The following FUNDC2 variants were observed in gnomAD, a reference collection of about 807,000 sequenced individuals.
FUNDC2 encodes FUN14 domain-containing protein 2.
FUNDC2 carries 4 observed loss-of-function variants against 15.6 expected under a neutral mutation model. That is an observed-to-expected ratio of 0.26 (90% CI 0.13 to 0.59). FUNDC2 has a LOEUF of 0.59. Ranked by LOEUF, FUNDC2 falls within the 20% of genes least tolerant of loss-of-function variation. FUNDC2 has a pLI of 0.90. For synonymous variants in FUNDC2, 44 were observed against 56.9 expected (o/e 0.77, Z 1.02); for missense variants, 98 against 149.7 (o/e 0.65, Z 1.80).
chrX:155,034,526 T>C (rs1557289000), intron 2 of FUNDC2, among the ~76,000 whole-genome samples: 5 of 111,767 alleles, frequency 4.5e-5, no homozygotes, highest in African/African-American at 1.6e-4. Flanking sequence ...CTGTAGGGTC[T>C]GTACCTAGAA....
At chrX:155,053,554 C>T (rs1424187642) in intron 4 of FUNDC2, among the ~76,000 whole-genome samples, 1 of 111,452 alleles carries the variant, frequency 9.0e-6, no homozygotes, top group African/African-American at 3.3e-5. Context: ...GACAAAAGTG[C>T]TTCATTTAAG....
intron 2 of FUNDC2, among the ~76,000 whole-genome samples, chrX:155,042,297 G>A (rs952208790): frequency 6.2e-5 from 6 of 96,931 alleles, no homozygotes; most frequent in Non-Finnish European, 8.0e-5. Context: ...GGTGATTCTC[G>A]TGCCTCAGCC....
chrX:155,051,537 A>G, intron 3 of FUNDC2, 133 bp from the exon 4 acceptor site: 1 of 640,312 alleles, frequency 1.6e-6, no homozygotes, highest in East Asian at 3.6e-5. Flanking sequence ...CATGATACAA[A>G]GAATCAAATG....
chrX:155,049,754 T>C (rs1270634092), intron 3 of FUNDC2: 6 of 112,593 alleles, frequency 5.3e-5, no homozygotes, highest in Admixed American at 9.4e-5. Context: ...AGGTTGTCTT[T>C]GAGTTCTTTC....
intron 2 of FUNDC2, among the ~76,000 whole-genome samples, chrX:155,035,307 G>A (rs1319109751): frequency 8.9e-6 from 1 of 111,790 alleles, no homozygotes; most frequent in Non-Finnish European, 1.9e-5. Flanking sequence ...CTTTATGTGA[G>A]TGTGTGTGCG....
At chrX:155,037,667 A>C (rs1557289258) in intron 2 of FUNDC2, among the ~76,000 whole-genome samples, 1 of 109,130 alleles carries the variant, frequency 9.2e-6, no homozygotes, top group African/African-American at 3.3e-5. Flanking sequence ...TATTTTTAGT[A>C]GAGTCAGGGT....
chrX:155,046,976 G>A lies in FUNDC2; in HGVS notation c.360+392G>A, dbSNP rs377738601. The A allele has an allele frequency of 1.5e-3, 307 of 202,987 alleles. 2 individuals are homozygous for A. The highest frequency in any genetic ancestry group is 3.1e-3 in the South Asian group (38 of 12,415). 16.7% of individuals were successfully genotyped at this position (202,987 alleles called of 1,213,427 possible). A position where few individuals can be genotyped will look rare whatever the true frequency, so the allele number is the denominator to read the frequency against. On this transcript the variant is annotated intron_variant, in intron 3 of 4. Coordinates refer to ENST00000369498, the MANE Select transcript of FUNDC2 (RefSeq NM_023934.4). ...GATGTTGAGCATGTGATGAGAAATG[G>A]GAGCTAAGTGACAGTACAGTCAGAT...
Position 155,054,880 on chromosome X carries a change from C to T in FUNDC2, c.*208C>T. The stretch of plus-strand genomic sequence containing the variant: ...GCAGAAGAGACAATAGTCCTTAGCT[C>T]TCCTCCCAGTACACCCCCTACTTGG... On this transcript the variant is annotated 3_prime_UTR_variant, in exon 5 of 5. Coordinates refer to ENST00000369498, the MANE Select transcript of FUNDC2 (RefSeq NM_023934.4). The T allele has an allele frequency of 4.8e-6, 2 of 417,656 alleles. No individual in the cohort carries two copies. The highest frequency in any genetic ancestry group is 2.5e-5 in the African/African-American group (1 of 40,695). The allele number at this position is 417,656 out of a possible 1,213,427, so 34.4% of individuals were successfully genotyped here.
Position 155,056,485 on chromosome X carries a change from G to C in FUNDC2, c.*1813G>C, listed in dbSNP as rs1462498763. 9.2e-6 allele frequency: 1 copy of C among 108,251 alleles called. No homozygotes were observed. Among genetic ancestry groups the C allele is most frequent in the African/African-American group, 3.4e-5 (1 of 29,503 alleles). The allele number at this position is 108,251 out of a possible 1,213,427, so 8.9% of individuals were successfully genotyped here. On this transcript the variant is annotated 3_prime_UTR_variant, in exon 5 of 5. Coordinates refer to ENST00000369498, the MANE Select transcript of FUNDC2 (RefSeq NM_023934.4). ...TGCAAGGTTCACATCGTATTTGCAT[G>C]ATTTGGATAAGTCTCTTAACCTTAT...
intron 2 of FUNDC2, among the ~76,000 whole-genome samples, chrX:155,038,482 G>T (rs1336246350): frequency 1.8e-5 from 2 of 111,196 alleles, no homozygotes; most frequent in African/African-American, 6.6e-5. Flanking sequence ...CTCCTAACTG[G>T]AATTTTTGTG....
At chrX:155,027,892 C>T (rs2073800020) in intron 1 of FUNDC2, among the ~76,000 whole-genome samples, 1 of 111,763 alleles carries the variant, frequency 8.9e-6, no homozygotes, top group Non-Finnish European at 1.9e-5. Flanking sequence ...GTCATGCTCA[C>T]GATGAATGAA....
rs782659099 is a variant in FUNDC2, at chrX:155,059,627, GAGTTAAATTA to G, written c.*4957_*4966del. The G allele has an allele frequency of 1.6e-4, 18 of 111,588 alleles. No individual in the cohort carries two copies. The highest frequency in any genetic ancestry group is 1.5e-4 in the Non-Finnish European group (8 of 53,111). 9.2% of individuals were successfully genotyped at this position (111,588 alleles called of 1,213,427 possible). ...TCATAATAATACCTAAGAATAAGAA[GAGTTAAATTA>G]ATGTCTTCAAATGGATTTGTTGACT... is the stretch of plus-strand genomic sequence containing the variant. On this transcript the variant is annotated 3_prime_UTR_variant, in exon 5 of 5. Transcript: ENST00000369498.
intron 1 of FUNDC2, 191 bp from the exon 2 acceptor site, chrX:155,033,212 C>T (rs1340423867): frequency 2.9e-6 from 1 of 348,078 alleles, no homozygotes; most frequent in Non-Finnish European, 5.1e-6. Flanking sequence ...CTAGGTTTTT[C>T]CCTGTAATAT....
chrX:155,028,983 T>A lies in FUNDC2; in HGVS notation c.133+1912T>A, dbSNP rs2073805379. Among the ~76,000 whole-genome samples, 3 of 112,082 alleles carry A rather than the reference T, an allele frequency of 2.7e-5. 1 individual carries two copies. The highest frequency in any genetic ancestry group is 9.4e-5 in the Admixed American group (1 of 10,621). Reference sequence around the variant, plus strand: ...TTGCAGCAATATTTTCCATTCCTTATGGTCTTTTTCCTAGTGACTTTGACA... The same window carrying A: ...TTGCAGCAATATTTTCCATTCCTTAAGGTCTTTTTCCTAGTGACTTTGACA... On this transcript the variant is annotated intron_variant, in intron 1 of 4. Transcript: ENST00000369498.
At chrX:155,034,961 C>G (rs1187064239) in intron 2 of FUNDC2, among the ~76,000 whole-genome samples, 1 of 111,177 alleles carries the variant, frequency 9.0e-6, no homozygotes, top group Admixed American at 9.5e-5. Context: ...ATTCTCAGTC[C>G]TTTGTTAGTT....
intron 2 of FUNDC2, among the ~76,000 whole-genome samples, chrX:155,042,277 T>C (rs112488316): frequency 0.34 from 32,227 of 95,403 alleles, 5,074 homozygotes; most frequent in African/African-American, 0.52. Flanking sequence ...ACCTCCACCT[T>C]CCAGGTTCAG....
intron 2 of FUNDC2, among the ~76,000 whole-genome samples, chrX:155,038,419 G>A (rs1475544641): frequency 9.0e-6 from 1 of 111,541 alleles, no homozygotes; most frequent in Non-Finnish European, 1.9e-5. Flanking sequence ...TATATAATAT[G>A]TTGTTATTAA....
At chrX:155,054,452 CATTG>C in intron 4 of FUNDC2, 139 bp from the exon 5 acceptor site, 1 of 1,110,518 alleles carries the variant, frequency 9.0e-7, no homozygotes, top group Non-Finnish European at 1.2e-6. Context: ...AGTGTAAGTC[CATTG>C]CCCTTTGGGT....
chrX:155,037,255 G>C (rs1212523777), intron 2 of FUNDC2, among the ~76,000 whole-genome samples: 3 of 111,199 alleles, frequency 2.7e-5, no homozygotes, highest in Non-Finnish European at 5.7e-5. Flanking sequence ...TTTGTATATT[G>C]ATCTTGTATA....
Sources: allele counts gnomAD v4.1 joint callset (sites outside exome capture counted in the v4.1 genomes callset), GRCh38; gene constraint gnomAD v4.1.1; transcripts MANE v1.5; gene names NCBI Gene and HGNC (gene_info 2026-07-23, HGNC 2026-07-21).